WDR53: variants seen among roughly 807,000 people sequenced by gnomAD.
The protein encoded by WDR53 is WD repeat-containing protein 53.
In WDR53, 19 loss-of-function variants were observed where a neutral mutation model predicts 21.3. The ratio of observed to expected loss-of-function variants is 0.89; its 90% CI spans 0.62 to 1.31. The LOEUF (loss-of-function observed/expected upper bound fraction) is 1.31. WDR53 is among the 50% of genes most tolerant of loss of function. The pLI is 0.00. For missense variants in WDR53, 374 were observed against 423.2 expected, an observed-to-expected ratio of 0.88 and a Z score of 1.02; for synonymous variants, 157 against 163.4, an observed-to-expected ratio of 0.96 and a Z score of 0.30.
At chr3:196,565,851 C>T (rs1735337522) in intron 2 of WDR53, among the ~76,000 whole-genome samples, 3 of 152,118 alleles carry the variant, frequency 2.0e-5, no homozygotes. Flanking sequence ...GTTGGCAAGC[C>T]ACTGTTTCTT....
chr3:196,563,146 A>G (rs922170636), intron 2 of WDR53, among the ~76,000 whole-genome samples: 3 of 152,244 alleles, frequency 2.0e-5, no homozygotes, highest in African/African-American at 7.2e-5. Flanking sequence ...GAAAATGACC[A>G]AAAGTTACTA....
At chr3:196,563,763 G>A (rs1735106034) in intron 2 of WDR53, among the ~76,000 whole-genome samples, 1 of 152,038 alleles carries the variant, frequency 6.6e-6, no homozygotes, top group South Asian at 2.1e-4. Context: ...GTAGAGACAG[G>A]GTTTCACCAT....
At position 196,554,557 on chromosome 3, in the gene WDR53, A is replaced by ACC; in HGVS notation, c.729_730dup (p.Val244GlyfsTer64). 6.2e-7 allele frequency: 1 copy of ACC among 1,614,034 alleles called. No individual in the cohort carries two copies. On this transcript the variant is annotated frameshift_variant, in exon 4 of 4. Coordinates refer to ENST00000332629, the MANE Select transcript of WDR53 (RefSeq NM_182627.3). LOFTEE classifies it high-confidence loss of function. ...TTCTGGGAGAAAGCAGACCTGGGAT[A>ACC]CCCCTGAAGTGTGGCCCTTAAATCC...
chr3:196,567,789 G>GTGTGTGTGTGTGTGT (rs1553873552), intron 1 of WDR53, among the ~76,000 whole-genome samples: 3 of 151,570 alleles, frequency 2.0e-5, no homozygotes, highest in African/African-American at 7.3e-5. Context: ...GTGTGTGTGA[G>GTGTGTGTGTGTGTGT]GTAGGGGCTC....
At chr3:196,565,446 G>A (rs1241823616) in intron 2 of WDR53, among the ~76,000 whole-genome samples, 2 of 151,768 alleles carry the variant, frequency 1.3e-5, no homozygotes, top group African/African-American at 2.4e-5. Context: ...GTGGTGGTAC[G>A]TGCCTGTAAT....
At chr3:196,555,256 A>T (rs558351702) in intron 3 of WDR53, among the ~76,000 whole-genome samples, 1 of 152,272 alleles carries the variant, frequency 6.6e-6, no homozygotes, top group Admixed American at 6.5e-5. Context: ...TTCCTTTCAC[A>T]TTACCCAATT....
Position 196,554,649 on chromosome 3 carries a change from A to G in WDR53, c.639T>C (p.Ser213=). 2.5e-6 allele frequency: 4 copies of G among 1,614,138 alleles called. No homozygotes were observed. Among genetic ancestry groups the G allele is most frequent in the East Asian group, 2.2e-5 (1 of 44,882 alleles). Residue 213 remains serine, a synonymous_variant, in exon 4 of 4, where the codon AGT becomes AGC. Transcript: ENST00000332629. ...GAACCTTACCATCTTCTGCACCACA[A>G]CTAAAAATATTACCACACGAAGCCA... ...ISVASCGNIF[S]CGAEDGKVRI...
Position 196,567,244 on chromosome 3 carries a change from A to C in WDR53, c.-384T>G. The C allele has an allele frequency of 2.2e-6, 1 of 456,980 alleles. No homozygotes were observed. The highest frequency in any genetic ancestry group is 1.5e-5 in the South Asian group (1 of 64,558). 28.3% of individuals were successfully genotyped at this position (456,980 alleles called of 1,614,324 possible). A position where few individuals can be genotyped will look rare whatever the true frequency, so the allele number is the denominator to read the frequency against. Reference sequence around the variant, plus strand: ...TTCTCTACAGGCTTGGGGTTTCTGAAGTTGGACTTGATGTGGAGAAGCTGG... The same window carrying C: ...TTCTCTACAGGCTTGGGGTTTCTGACGTTGGACTTGATGTGGAGAAGCTGG... On this transcript the variant is annotated 5_prime_UTR_variant, in exon 2 of 4. Transcript: ENST00000332629.
At chr3:196,561,968 G>A (rs1476566953) in intron 2 of WDR53, among the ~76,000 whole-genome samples, 2 of 152,120 alleles carry the variant, frequency 1.3e-5, no homozygotes, top group East Asian at 3.8e-4. Context: ...ATAAAATGAG[G>A]ATAATAATGA....
At chr3:196,557,026 C>T (rs73081014) in intron 3 of WDR53, among the ~76,000 whole-genome samples, 2,640 of 152,220 alleles carry the variant, frequency 0.017, 77 homozygotes, top group African/African-American at 0.061. Flanking sequence ...ATTTCTCAAC[C>T]AGCTGTTCAA....
At position 196,567,197 on chromosome 3, in the gene WDR53, C is replaced by T; in HGVS notation, c.-337G>A. 4.4e-6 allele frequency: 2 copies of T among 457,312 alleles called. No individual in the cohort carries two copies. The highest frequency in any genetic ancestry group is 8.8e-6 in the Non-Finnish European group (2 of 227,076). The allele number at this position is 457,312 out of a possible 1,614,324, so 28.3% of individuals were successfully genotyped here. A position where few individuals can be genotyped will look rare whatever the true frequency, so the allele number is the denominator to read the frequency against. ...ATTAGTGAGAGACAGTCACCATCAC[C>T]AGAGTCAGCACAGGTCAACTTTTCT... On this transcript the variant is annotated 5_prime_UTR_variant, in exon 2 of 4. Coordinates refer to ENST00000332629, the MANE Select transcript of WDR53 (RefSeq NM_182627.3).
chr3:196,562,298 G>A (rs1053812670), intron 2 of WDR53, among the ~76,000 whole-genome samples: 1 of 152,162 alleles, frequency 6.6e-6, no homozygotes, highest in South Asian at 2.1e-4. Context: ...TCTCGCTGCC[G>A]TTAGCCCGGG....
chr3:196,558,489 G>A (rs1166454489), intron 3 of WDR53, among the ~76,000 whole-genome samples: 1 of 152,206 alleles, frequency 6.6e-6, no homozygotes, highest in Non-Finnish European at 1.5e-5. Flanking sequence ...TCCCAGGCAT[G>A]AGCCCTCAGG....
chr3:196,556,295 A>G lies in WDR53; in HGVS notation c.481-1488T>C, dbSNP rs1734308628. The stretch of plus-strand genomic sequence containing the variant: ...ACTGCTGGGCTCAAGCGATCCACTC[A>G]TCTCCACCTCCCAAAGTGATGGGAT... On this transcript the variant is annotated intron_variant, in intron 3 of 3. Coordinates refer to ENST00000332629, the MANE Select transcript of WDR53 (RefSeq NM_182627.3). Among the ~76,000 whole-genome samples the G allele has an allele frequency of 1.3e-5, 2 of 152,108 alleles. 1 individual carries two copies. The highest frequency in any genetic ancestry group is 2.9e-5 in the Non-Finnish European group (2 of 68,018).
chr3:196,565,778 G>A (rs1026938599), intron 2 of WDR53, among the ~76,000 whole-genome samples: 1 of 152,320 alleles, frequency 6.6e-6, no homozygotes, highest in Admixed American at 6.5e-5. Flanking sequence ...TGCTGTGATA[G>A]AAGGGTAGTG....
At position 196,554,586 on chromosome 3, in the gene WDR53, T is replaced by G; in HGVS notation, c.702A>C (p.Glu234Asp). The part of the protein sequence containing the change: ...FRVMGVKCEQ[E>D]LGFKGHTSGV... ...CTGAAGTGTGGCCCTTAAATCCCAGTTCCTGTTCACACTTAACTCCCATCA... is the reference window on the plus strand; with the variant it reads ...CTGAAGTGTGGCCCTTAAATCCCAGGTCCTGTTCACACTTAACTCCCATCA... The change falls in exon 4 of 4, where the codon GAA becomes GAC. Residue 234 changes from glutamate to aspartate, a missense_variant. Physicochemically the swap from Glu to Asp is conservative, Grantham distance 45 (BLOSUM62 2). Transcript: ENST00000332629. 6.2e-7 allele frequency: 1 copy of G among 1,614,082 alleles called. No homozygotes were observed. The highest frequency in any genetic ancestry group is 8.5e-7 in the Non-Finnish European group (1 of 1,179,984).
chr3:196,561,828 C>A (rs756611594), intron 2 of WDR53, among the ~76,000 whole-genome samples: 7 of 152,018 alleles, frequency 4.6e-5, no homozygotes, highest in Non-Finnish European at 1.0e-4. Context: ...GAGAGGGCTG[C>A]AAAATCATCA....
rs974374304 is a variant in WDR53 at position 196,560,460 on chromosome 3, TTGA to T, written c.480+533_480+535del. 2.0e-5 allele frequency among the ~76,000 whole-genome samples: 3 copies of T among 152,174 alleles called. 1 individual carries two copies. Among genetic ancestry groups the T allele is most frequent in the Admixed American group, 2.0e-4 (3 of 15,274 alleles). ...TTTCACCACGTTGGCCAGGCTGGTCTTGATGACCTCAAGTGATCTGCCCACCTC... is the reference window on the plus strand; with the variant it reads ...TTTCACCACGTTGGCCAGGCTGGTCTTGACCTCAAGTGATCTGCCCACCTC... On this transcript the variant is annotated intron_variant, in intron 3 of 3. Coordinates refer to ENST00000332629, the MANE Select transcript of WDR53 (RefSeq NM_182627.3).
In WDR53 at chr3:196,554,779, C is replaced by A. The variant is rs750744733; in HGVS notation, c.509G>T (p.Arg170Leu). 1 of 1,613,930 alleles carries A rather than the reference C, an allele frequency of 6.2e-7. No homozygotes were observed. Among genetic ancestry groups the A allele is most frequent in the South Asian group, 1.1e-5 (1 of 91,052 alleles). Reference sequence around the variant, plus strand: ...CTGTAAATTTGTAATCCAGAGTGGTCGGGCTTTTTGAAGACTCCACAGCAT... The same window carrying A: ...CTGTAAATTTGTAATCCAGAGTGGTAGGGCTTTTTGAAGACTCCACAGCAT... Reference protein sequence around the residue: ...QVMLWSLQKARPLWITNLQED... With the variant: ...QVMLWSLQKALPLWITNLQED... Residue 170 changes from arginine (R) to leucine (L), a missense_variant, in exon 4 of 4, where the codon CGA (arginine) becomes CTA (leucine). Arg to Leu is a moderately radical substitution (Grantham distance 102, BLOSUM62 -2). Coordinates refer to ENST00000332629, the MANE Select transcript of WDR53 (RefSeq NM_182627.3).
Sources: gnomAD v4.1 joint callset for allele counts (sites outside exome capture counted in the v4.1 genomes callset) on GRCh38, gnomAD v4.1.1 for gene constraint, MANE v1.5 for transcripts, NCBI Gene and HGNC (gene_info 2026-07-23, HGNC 2026-07-21) for gene names.